The following HSD17B14 variants were observed in gnomAD, a reference collection of about 807,000 sequenced individuals.
HSD17B14 encodes the protein hydroxysteroid 17-beta dehydrogenase 14, also known as L-fucose dehydrogenase.
HSD17B14 carries 32 observed loss-of-function variants against 32.2 expected under a neutral mutation model. The ratio of observed to expected loss-of-function variants is 0.99; its 90% confidence interval spans 0.75 to 1.33. HSD17B14 has a LOEUF of 1.33. HSD17B14 is among the 40% of genes most tolerant of loss of function. HSD17B14 has a pLI of 0.00. For synonymous variants in HSD17B14, 140 were observed against 155.4 expected, an observed-to-expected ratio of 0.90 and a Z score of 0.74; for missense variants, 370 against 366.5, an observed-to-expected ratio of 1.01 and a Z score of -0.08.
At chr19:48,818,640 C>G (rs1019220473) in intron 5 of HSD17B14, among the ~76,000 whole-genome samples, 2 of 152,158 alleles carry the variant, frequency 1.3e-5, no homozygotes, top group Non-Finnish European at 2.9e-5. Flanking sequence ...AAATATTTGT[C>G]CCACACTCCC....
At chr19:48,834,158 G>A in intron 3 of HSD17B14, 118 bp downstream of exon 3, 1 of 789,664 alleles carries the variant, frequency 1.3e-6, no homozygotes, top group Admixed American at 2.0e-5. Flanking sequence ...CCTTTGACGA[G>A]TCCAGCGGAG....
At chr19:48,816,115 C>A (rs2035047071) in intron 5 of HSD17B14, among the ~76,000 whole-genome samples, 1 of 151,360 alleles carries the variant, frequency 6.6e-6, no homozygotes, top group African/African-American at 2.4e-5. Context: ...TCCCTAAATA[C>A]TCTCTCTGTG....
chr19:48,835,620 A>C (rs1348154982), intron 2 of HSD17B14, among the ~76,000 whole-genome samples, 185 bp downstream of exon 2: 1 of 106,710 alleles, frequency 9.4e-6, no homozygotes, highest in Non-Finnish European at 1.9e-5. Flanking sequence ...GTCTGAGGGC[A>C]GAGGGGCTGG....
Position 48,831,684 on chromosome 19 carries a change from G to A in HSD17B14, c.353C>T (p.Thr118Met), listed in dbSNP as rs755171561. 4.3e-6 allele frequency: 7 copies of A among 1,613,786 alleles called. No individual in the cohort carries two copies. In the African/African-American group the frequency reaches 5.3e-5, roughly 12 times the overall value. The change falls in exon 5 of 9, where the codon ACG (threonine) becomes ATG (methionine). Residue 118 changes from threonine to methionine, a missense_variant. Coordinates refer to ENST00000263278, the MANE Select transcript of HSD17B14 (RefSeq NM_016246.3). ...RQLLELNLLG[T>M]YTLTKLALPY... The stretch of plus-strand genomic sequence containing the variant: ...AGCCCTCACCTTGGTCAAGGTGTAC[G>A]TCCCCAGTAGGTTCAGCTCCAGCAG...
chr19:48,834,440 GGAGGAGGT>G, intron 2 of HSD17B14, 82 bp from the exon 3 acceptor site: 1 of 826,032 alleles, frequency 1.2e-6, no homozygotes, highest in African/African-American at 1.8e-5. Flanking sequence ...TGGGTCTGAG[GGAGGAGGT>G]GCTGGGGGCC....
At chr19:48,834,726 G>A (rs1248997820) in intron 2 of HSD17B14, among the ~76,000 whole-genome samples, 1 of 105,320 alleles carries the variant, frequency 9.5e-6, no homozygotes, top group East Asian at 3.4e-4. Context: ...CTGGACTCCT[G>A]GGTCTGAGGG....
At chr19:48,820,922 T>C (rs2035136144) in intron 5 of HSD17B14, among the ~76,000 whole-genome samples, 2 of 151,706 alleles carry the variant, frequency 1.3e-5, no homozygotes, top group Admixed American at 1.3e-4. Context: ...CAGGCTGGTC[T>C]CAAACCCCTG....
intron 5 of HSD17B14, among the ~76,000 whole-genome samples, chr19:48,830,497 A>G (rs993800055): frequency 6.6e-6 from 1 of 152,032 alleles, no homozygotes; most frequent in African/African-American, 2.4e-5. Context: ...CCAAAGTATA[A>G]AAGAAAATCT....
chr19:48,833,858 C>T (rs541000221), intron 3 of HSD17B14, among the ~76,000 whole-genome samples: 54 of 150,850 alleles, frequency 3.6e-4, no homozygotes, highest in Non-Finnish European at 4.9e-4. Context: ...GGCATGGTGG[C>T]GCACACCTGT....
At chr19:48,822,761 AGTGTTGATG>A (rs935041134) in intron 5 of HSD17B14, among the ~76,000 whole-genome samples, 3 of 148,556 alleles carry the variant, frequency 2.0e-5, no homozygotes, top group African/African-American at 7.4e-5. Context: ...TGGTAATGAC[AGTGTTGATG>A]GTGATGATGG....
intron 1 of HSD17B14, 90 bp from the exon 2 acceptor site, chr19:48,835,933 C>T: frequency 8.5e-7 from 1 of 1,177,970 alleles, no homozygotes. Flanking sequence ...GGCTGATCTC[C>T]CTCTCCCCTC....
At chr19:48,817,758 A>G (rs2035080943) in intron 5 of HSD17B14, among the ~76,000 whole-genome samples, 1 of 152,194 alleles carries the variant, frequency 6.6e-6, no homozygotes, top group African/African-American at 2.4e-5. Flanking sequence ...TTAATGAATG[A>G]ATGGAGGACC....
chr19:48,834,360 T>G lies in HSD17B14; in HGVS notation c.128-2A>C. 6.2e-7 allele frequency: 1 copy of G among 1,612,452 alleles called. No individual in the cohort carries two copies. The highest frequency in any genetic ancestry group is 8.5e-7 in the Non-Finnish European group (1 of 1,179,002). On this transcript the variant is annotated splice_acceptor_variant, in intron 2 of 8. Coordinates refer to ENST00000263278, the MANE Select transcript of HSD17B14 (RefSeq NM_016246.3). LOFTEE classifies it high-confidence loss of function. ...GCTCCAGGGCCCGGCCCCCAGACTC[T>G]GCAGGGAGAGAAGAGCTGGGAGCCT... is the stretch of plus-strand genomic sequence containing the variant.
rs115005996 is a variant in HSD17B14, at chr19:48,827,662, C to T, written c.369+4006G>A. The stretch of plus-strand genomic sequence containing the variant: ...CAGCAATTCTCCTGCCTCAGCCTCA[C>T]GAGGAATTGGGATTACAGGTGCTCA... On this transcript the variant is annotated intron_variant, in intron 5 of 8. Transcript: ENST00000263278. Among the ~76,000 whole-genome samples, 12 of 151,416 alleles carry T rather than the reference C, an allele frequency of 7.9e-5. No individual in the cohort carries two copies. In the East Asian group the frequency reaches 1.8e-3, roughly 22 times the overall value.
In HSD17B14 at chr19:48,813,125, T is replaced by A; in HGVS notation, c.*50A>T. Reference sequence around the variant, plus strand: ...GGCTGCATCTGATACAGGTTGGAGTTTGGGGTGGGAGAGTCCTAGGAAGGG... The same window carrying A: ...GGCTGCATCTGATACAGGTTGGAGTATGGGGTGGGAGAGTCCTAGGAAGGG... On this transcript the variant is annotated 3_prime_UTR_variant, in exon 9 of 9. Transcript: ENST00000263278. 7.5e-7 allele frequency: 1 copy of A among 1,325,542 alleles called. No individual in the cohort carries two copies. The highest frequency in any genetic ancestry group is 1.0e-6 in the Non-Finnish European group (1 of 956,486). 82.1% of individuals were successfully genotyped at this position (1,325,542 alleles called of 1,614,324 possible).
intron 5 of HSD17B14, among the ~76,000 whole-genome samples, chr19:48,831,257 T>C (rs1011160338): frequency 2.0e-5 from 3 of 152,214 alleles, no homozygotes; most frequent in African/African-American, 7.2e-5. Flanking sequence ...CAGTCATTTA[T>C]CTTCCTTTTG....
intron 5 of HSD17B14, among the ~76,000 whole-genome samples, chr19:48,829,521 T>G (rs1466051752): frequency 2.0e-5 from 3 of 151,336 alleles, no homozygotes; most frequent in Non-Finnish European, 4.4e-5. Flanking sequence ...ACAGCTAATT[T>G]TTGTATTTTT....
chr19:48,822,524 A>G (rs2035176236), intron 5 of HSD17B14, among the ~76,000 whole-genome samples: 1 of 145,950 alleles, frequency 6.9e-6, no homozygotes, highest in African/African-American at 2.6e-5. Flanking sequence ...GGTGATGGTG[A>G]TGACTGTGGT....
At chr19:48,816,923 C>G (rs931725467) in intron 5 of HSD17B14, among the ~76,000 whole-genome samples, 4 of 151,486 alleles carry the variant, frequency 2.6e-5, no homozygotes, top group African/African-American at 9.7e-5. Flanking sequence ...GCAACCTCCA[C>G]TTCCCAGGTT....
Sources: gnomAD v4.1 joint callset for allele counts (sites outside exome capture counted in the v4.1 genomes callset) on GRCh38, gnomAD v4.1.1 for gene constraint, MANE v1.5 for transcripts, NCBI Gene and HGNC (gene_info 2026-07-23, HGNC 2026-07-21) for gene names.